Variants in C17orf50 observed in about 807,000 individuals in gnomAD.
C17orf50 encodes the protein uncharacterized protein C17orf50.
In C17orf50, 16 loss-of-function variants were observed where a neutral mutation model predicts 17.7. The observed-to-expected ratio is 0.90, with a 90% CI of 0.61 to 1.37. The LOEUF (loss-of-function observed/expected upper bound fraction) is 1.37. C17orf50 is among the 40% of genes most tolerant of loss of function. The pLI is 0.00. For synonymous variants in C17orf50, 125 were observed against 111.0 expected (o/e 1.13, Z -0.80); for missense variants, 271 against 240.7 (o/e 1.13, Z -0.83).
chr17:35,764,002 C>G lies in C17orf50; in HGVS notation c.14-5C>G. 6.5e-7 allele frequency: 1 copy of G among 1,533,570 alleles called. No individual in the cohort carries two copies. Among genetic ancestry groups the G allele is most frequent in the Non-Finnish European group, 8.8e-7 (1 of 1,135,810 alleles). 95.0% of individuals were successfully genotyped at this position (1,533,570 alleles called of 1,614,324 possible). A position where few individuals can be genotyped will look rare whatever the true frequency, so the allele number is the denominator to read the frequency against. On this transcript the variant is annotated splice_region_variant and splice_polypyrimidine_tract_variant and intron_variant, in intron 1 of 2. Coordinates refer to ENST00000605587, the MANE Select transcript of C17orf50 (RefSeq NM_145272.4). The stretch of plus-strand genomic sequence containing the variant: ...GGACTGCCCTGACCTCCTCCCGGCC[C>G]GCAGGTGTGAAGACCCCCTTGTGGA...
Position 35,764,146 on chromosome 17 carries a change from G to A in C17orf50, c.153G>A (p.Glu51=), listed in dbSNP as rs1342187031. Residue 51 remains glutamate, a synonymous_variant, in exon 2 of 3, where the codon GAG becomes GAA. Transcript: ENST00000605587. ...RPLEDSATEG[E]EPPRVAEEGE... is the part of the protein sequence containing the mutation. ...TGGAGGACAGCGCGACGGAGGGCGAGGAGCCGCCGCGGGTAGCGGAGGAGG... is the reference window on the plus strand; with the variant it reads ...TGGAGGACAGCGCGACGGAGGGCGAAGAGCCGCCGCGGGTAGCGGAGGAGG... 1 of 1,549,234 alleles carries A rather than the reference G, an allele frequency of 6.5e-7. No individual in the cohort carries two copies. Among genetic ancestry groups the A allele is most frequent in the Non-Finnish European group, 8.7e-7 (1 of 1,146,774 alleles).
At position 35,764,485 on chromosome 17, in the gene C17orf50, G is replaced by C; in HGVS notation, c.392G>C (p.Arg131Pro). ...GAGATCCGGCGACGACCGCCGCGCC[G>C]CGGGGGCTGTGCTTGCTGCGAGCTC... ...VLEIRRRPPRRGGCACCELLF... is the reference protein window; with the variant it reads ...VLEIRRRPPRPGGCACCELLF... The change falls in exon 3 of 3, where the codon CGC becomes CCC. Residue 131 changes from arginine (R) to proline (P), a missense_variant. Coordinates refer to ENST00000605587, the MANE Select transcript of C17orf50 (RefSeq NM_145272.4). The C allele has an allele frequency of 6.4e-7, 1 of 1,573,630 alleles. No homozygotes were observed. Among genetic ancestry groups the C allele is most frequent in the Non-Finnish European group, 8.6e-7 (1 of 1,162,450 alleles).
At chr17:35,763,163 C>T (rs1249738735) in intron 1 of C17orf50, among the ~76,000 whole-genome samples, 3 of 151,536 alleles carry the variant, frequency 2.0e-5, no homozygotes, top group Non-Finnish European at 4.4e-5. Context: ...CCAGGGGAGG[C>T]GGCTCGTGGC....
Position 35,764,506 on chromosome 17 carries a change from A to G in C17orf50, c.413A>G (p.Glu138Gly). The G allele has an allele frequency of 1.3e-6, 2 of 1,589,028 alleles. No homozygotes were observed. Among genetic ancestry groups the G allele is most frequent in the Non-Finnish European group, 1.7e-6 (2 of 1,171,646 alleles). The change falls in exon 3 of 3, where the codon GAG becomes GGG. Residue 138 changes from glutamate to glycine, a missense_variant. Glu to Gly is a moderately conservative substitution (Grantham distance 98). Coordinates refer to ENST00000605587, the MANE Select transcript of C17orf50 (RefSeq NM_145272.4). ...CGCCGCGGGGGCTGTGCTTGCTGCG[A>G]GCTCCTCTTCTGCAAGAAATGCAGG... is the stretch of plus-strand genomic sequence containing the variant. ...PPRRGGCACC[E>G]LLFCKKCRSL...
chr17:35,761,099 A>ATTTT (rs10533957), intron 1 of C17orf50, 145 bp downstream of exon 1: 175 of 506,140 alleles, frequency 3.5e-4, no homozygotes, highest in African/African-American at 1.2e-3. Context: ...GCCTTCCTGA[A>ATTTT]TTTTTTTTTT....
At chr17:35,763,438 C>CT (rs782005643) in intron 1 of C17orf50, among the ~76,000 whole-genome samples, 9,569 of 101,336 alleles carry the variant, frequency 0.094, 499 homozygotes, top group Middle Eastern at 0.13. Context: ...CCATGCCCAG[C>CT]TTTTTTTTTT....
chr17:35,761,017 A>AT (rs79845981), intron 1 of C17orf50, 63 bp downstream of exon 1: 40,793 of 1,540,246 alleles, frequency 0.026, 839 homozygotes, highest in East Asian at 0.13. Context: ...AGCTTGGACA[A>AT]TCCAGCCCAT....
intron 1 of C17orf50, among the ~76,000 whole-genome samples, chr17:35,763,199 C>A (rs2085859077): frequency 6.6e-6 from 1 of 151,964 alleles, no homozygotes; most frequent in Admixed American, 6.6e-5. Context: ...TTAGGGAGAC[C>A]TAGGCAGGAG....
chr17:35,761,026 A>G, intron 1 of C17orf50, 72 bp downstream of exon 1: 1 of 1,513,582 alleles, frequency 6.6e-7, no homozygotes, highest in Non-Finnish European at 8.9e-7. Flanking sequence ...AATCCAGCCC[A>G]TCACCATGAA....
chr17:35,762,875 T>C (rs587740001), intron 1 of C17orf50, among the ~76,000 whole-genome samples: 37 of 152,054 alleles, frequency 2.4e-4, no homozygotes, highest in Non-Finnish European at 4.7e-4. Context: ...TCTGTAATCC[T>C]AGCACTTTGG....
chr17:35,761,142 C>A (rs1555601442), intron 1 of C17orf50, among the ~76,000 whole-genome samples, 188 bp downstream of exon 1: 1 of 140,588 alleles, frequency 7.1e-6, no homozygotes, highest in African/African-American at 2.7e-5. Context: ...CTTGCTCTAT[C>A]ACCCAGACTG....
chr17:35,762,015 A>T (rs1598405857), intron 1 of C17orf50, among the ~76,000 whole-genome samples: 1 of 151,460 alleles, frequency 6.6e-6, no homozygotes, highest in East Asian at 1.9e-4. Context: ...TTTGAGACGG[A>T]GTTTTGCTCT....
At position 35,760,919 on chromosome 17, in the gene C17orf50, A is replaced by T. The variant is rs1555601377; in HGVS notation, c.-23A>T. ...CACATCCCAGTCTCTGATCAGGGAA[A>T]GCAGGGCACAGCCTTGGGAAGAATG... On this transcript the variant is annotated 5_prime_UTR_variant, in exon 1 of 3. It adds an upstream start codon to the 5' untranslated region. Transcript: ENST00000605587. The T allele has an allele frequency of 1.2e-6, 2 of 1,613,720 alleles. No homozygotes were observed. Among genetic ancestry groups the T allele is most frequent in the Non-Finnish European group, 8.5e-7 (1 of 1,179,990 alleles).
intron 1 of C17orf50, among the ~76,000 whole-genome samples, chr17:35,762,554 CAGT>C (rs1344029432): frequency 6.6e-6 from 1 of 152,144 alleles, no homozygotes; most frequent in African/African-American, 2.4e-5. Context: ...CAAGAGGGGA[CAGT>C]GGTGGCTGAA....
Position 35,764,208 on chromosome 17 carries a change from C to A in C17orf50, c.215C>A (p.Pro72Gln), listed in dbSNP as rs1555602178. ...GRERRSVSYC[P>Q]LRQESSTQQV... ...GAGCGGCGCTCAGTGTCCTACTGCC[C>A]GCTGCGCCAGGAGTCCAGCACCCAG... The change falls in exon 2 of 3, where the codon CCG becomes CAG. Residue 72 changes from proline to glutamine, a missense_variant. Physicochemically the swap from Pro to Gln is moderately conservative, Grantham distance 76 (BLOSUM62 -1). Coordinates refer to ENST00000605587, the MANE Select transcript of C17orf50 (RefSeq NM_145272.4). 6.5e-7 allele frequency: 1 copy of A among 1,547,460 alleles called. No individual in the cohort carries two copies. Among genetic ancestry groups the A allele is most frequent in the Non-Finnish European group, 8.7e-7 (1 of 1,146,448 alleles).
intron 1 of C17orf50, 41 bp downstream of exon 1, chr17:35,760,995 C>T: frequency 6.3e-7 from 1 of 1,596,608 alleles, no homozygotes. Flanking sequence ...GAGGACAGGA[C>T]CTCTTGACCC....
At chr17:35,763,926 AAAT>A in intron 1 of C17orf50, 78 bp from the exon 2 acceptor site, 1 of 997,328 alleles carries the variant, frequency 1.0e-6, no homozygotes, top group Non-Finnish European at 1.3e-6. Flanking sequence ...ATAAATAAAT[AAAT>A]AAATAAATAC....
chr17:35,764,820 C>CAGAGCCCAGCATAACCT lies in C17orf50; in HGVS notation c.*210_*226dup, dbSNP rs2085903416. 2 of 549,058 alleles carry CAGAGCCCAGCATAACCT rather than the reference C, an allele frequency of 3.6e-6. No individual in the cohort carries two copies. The highest frequency in any genetic ancestry group is 6.1e-6 in the Non-Finnish European group (2 of 328,230). The allele number at this position is 549,058 out of a possible 1,614,324, so 34.0% of individuals were successfully genotyped here. On this transcript the variant is annotated 3_prime_UTR_variant, in exon 3 of 3. Transcript: ENST00000605587. The stretch of plus-strand genomic sequence containing the variant: ...CATCTGTCACCTAGCGCCCCCAGTG[C>CAGAGCCCAGCATAACCT]AGAGCCCAGCATAACCTAGAGCCCG...
At chr17:35,761,982 T>C (rs2085829477) in intron 1 of C17orf50, among the ~76,000 whole-genome samples, 1 of 152,110 alleles carries the variant, frequency 6.6e-6, no homozygotes, top group South Asian at 2.1e-4. Context: ...ACGTTTCTTT[T>C]TCTTTCTTTC....
Sources: gnomAD v4.1 joint callset for allele counts (sites outside exome capture counted in the v4.1 genomes callset) on GRCh38, gnomAD v4.1.1 for gene constraint, MANE v1.5 for transcripts, NCBI Gene and HGNC (gene_info 2026-07-23, HGNC 2026-07-21) for gene names.